ATP4A: variants seen among roughly 807,000 people sequenced by gnomAD.
The protein encoded by ATP4A is potassium-transporting ATPase alpha chain 1.
A neutral mutation model predicts 112.1 loss-of-function variants in ATP4A; 73 were observed. The ratio of observed to expected loss-of-function variants is 0.65; its 90% CI spans 0.54 to 0.79. ATP4A has a LOEUF of 0.79. Ranked by LOEUF, ATP4A falls within the 30% of genes least tolerant of loss-of-function variation. The pLI, the probability that ATP4A is intolerant of heterozygous loss-of-function variation, is 0.00. For synonymous variants in ATP4A, 588 were observed against 588.9 expected (o/e 1.00, Z 0.02); for missense variants, 1,081 against 1,425.9 (o/e 0.76, Z 3.90).
At position 35,557,882 on chromosome 19, in the gene ATP4A, GGGGAACGGGGCGGGGCTGTGGACGA is replaced by G. The variant is rs1468849871; in HGVS notation, c.1501-60_1501-36del. 2.6e-4 allele frequency: 311 copies of G among 1,175,482 alleles called. 1 individual carries two copies. The African/African-American group carries it at 2.9e-3, about 11-fold the overall frequency. The allele number at this position is 1,175,482 out of a possible 1,614,324, so 72.8% of individuals were successfully genotyped here. A position where few individuals can be genotyped will look rare whatever the true frequency, so the allele number is the denominator to read the frequency against. On this transcript the variant is annotated intron_variant, in intron 10 of 21. Transcript: ENST00000262623. The surrounding 1 kb of genome is among the most constrained non-coding windows in gnomAD (Gnocchi z 4.4). The stretch of plus-strand genomic sequence containing the variant: ...GGGGGGAGAGGCGAGGCTGTGGACG[GGGGAACGGGGCGGGGCTGTGGACGA>G]GGGAACGGGGCGGGGCTGAGGAGAG...
chr19:35,550,357 C>T lies in ATP4A; in HGVS notation c.*258G>A. 1.8e-6 allele frequency: 1 copy of T among 551,464 alleles called. No individual in the cohort carries two copies. The highest frequency in any genetic ancestry group is 3.2e-6 in the Non-Finnish European group (1 of 309,362). 34.2% of individuals were successfully genotyped at this position (551,464 alleles called of 1,614,324 possible). On this transcript the variant is annotated 3_prime_UTR_variant, in exon 22 of 22. Transcript: ENST00000262623. This position sits in a 1 kb window ranked among gnomAD's most constrained non-coding sequence, Gnocchi z 4.1. ...ACTCCCTGTCAGAGCCCCACCGCCA[C>T]CACAGGTGGCGGCTTTCCCGAGGCC...
chr19:35,554,857 C>T (rs534051412), intron 16 of ATP4A, 65 bp downstream of exon 16: 1 of 1,601,318 alleles, frequency 6.2e-7, no homozygotes, highest in Admixed American at 1.7e-5. Flanking sequence ...TCTGTCCCTC[C>T]TGTCCATCTG....
At position 35,559,853 on chromosome 19, in the gene ATP4A, C is replaced by T. The variant is rs774438228; in HGVS notation, c.1008G>A (p.Met336Ile). 1 of 1,614,144 alleles carries T rather than the reference C, an allele frequency of 6.2e-7. No individual in the cohort carries two copies. Among genetic ancestry groups the T allele is most frequent in the Non-Finnish European group, 8.5e-7 (1 of 1,180,026 alleles). The change falls in exon 7 of 22, where the codon ATG (methionine) becomes ATA (isoleucine). Residue 336 changes from methionine to isoleucine, a missense_variant. By Grantham distance (10) the Met-to-Ile change is conservative. This residue lies in a region of ATP4A where 850 missense variants were observed against 1,068.2 expected (regional missense o/e 0.80). Coordinates refer to ENST00000262623, the MANE Select transcript of ATP4A (RefSeq NM_000704.3). The surrounding 1 kb of genome is among the most constrained non-coding windows in gnomAD (Gnocchi z 4.1). The part of the protein sequence containing the change: ...YTFLRAMVFF[M>I]AIVVAYVPEG... ...CAGGCACATAGGCCACCACGATGGC[C>T]ATGAAGAAGACCATGGCCCGCAGGA... is the stretch of plus-strand genomic sequence containing the variant.
In ATP4A at chr19:35,558,947, A is replaced by G. The variant is rs376131552; in HGVS notation, c.1255+46T>C. On this transcript the variant is annotated intron_variant, in intron 8 of 21. Transcript: ENST00000262623. The surrounding 1 kb of genome is among the most constrained non-coding windows in gnomAD (Gnocchi z 5.1). ...CCCTATCCCTCTTCAGGTCTCCACC[A>G]TCCACCAGATCCTGCCCTGGCGCCT... 4.6e-5 allele frequency: 74 copies of G among 1,606,984 alleles called. 1 individual carries two copies. The highest frequency in any genetic ancestry group is 1.6e-4 in the Middle Eastern group (1 of 6,072).
In ATP4A at chr19:35,560,191, G is replaced by A; in HGVS notation, c.788-118C>T. 1 of 1,529,826 alleles carries A rather than the reference G, an allele frequency of 6.5e-7. No individual in the cohort carries two copies. The highest frequency in any genetic ancestry group is 8.9e-7 in the Non-Finnish European group (1 of 1,128,796). The allele number at this position is 1,529,826 out of a possible 1,614,324, so 94.8% of individuals were successfully genotyped here. A position where few individuals can be genotyped will look rare whatever the true frequency, so the allele number is the denominator to read the frequency against. On this transcript the variant is annotated intron_variant, in intron 6 of 21. Coordinates refer to ENST00000262623, the MANE Select transcript of ATP4A (RefSeq NM_000704.3). This position sits in a 1 kb window ranked among gnomAD's most constrained non-coding sequence, Gnocchi z 5.1. ...GGAGGATGTGACCTGGGAGAGGGTA[G>A]TGACAGTGGGAGACAGAGAAGCAGT...
At position 35,558,833 on chromosome 19, in the gene ATP4A, G is replaced by A. The variant is rs773656226; in HGVS notation, c.1256-147C>T. ...CCCAACCCTGAGGGACCCAGCCCCCGGATGACCCTTCCCTCTAGACCCGGT... is the reference window on the plus strand; with the variant it reads ...CCCAACCCTGAGGGACCCAGCCCCCAGATGACCCTTCCCTCTAGACCCGGT... On this transcript the variant is annotated intron_variant, in intron 8 of 21. Coordinates refer to ENST00000262623, the MANE Select transcript of ATP4A (RefSeq NM_000704.3). This position sits in a 1 kb window ranked among gnomAD's most constrained non-coding sequence, Gnocchi z 5.1. 15 of 1,265,394 alleles carry A rather than the reference G, an allele frequency of 1.2e-5. No individual in the cohort carries two copies. Among genetic ancestry groups the A allele is most frequent in the South Asian group, 2.9e-5 (2 of 69,062 alleles). 78.4% of individuals were successfully genotyped at this position (1,265,394 alleles called of 1,614,324 possible).
chr19:35,557,615 C>T lies in ATP4A; in HGVS notation c.1693+40G>A, dbSNP rs1316107588. The T allele has an allele frequency of 1.9e-6, 3 of 1,564,906 alleles. No homozygotes were observed. The African/African-American group carries it at 4.1e-5, about 21-fold the overall frequency. Reference sequence around the variant, plus strand: ...GTGGGCAGGGTCTGTGCTAGCTCCTCCTCGCACCTGGAGTCTCCTCCCCTG... The same window carrying T: ...GTGGGCAGGGTCTGTGCTAGCTCCTTCTCGCACCTGGAGTCTCCTCCCCTG... On this transcript the variant is annotated intron_variant, in intron 11 of 21. Coordinates refer to ENST00000262623, the MANE Select transcript of ATP4A (RefSeq NM_000704.3). The surrounding 1 kb of genome is among the most constrained non-coding windows in gnomAD (Gnocchi z 4.4).
chr19:35,558,579 T>A lies in ATP4A; in HGVS notation c.1363A>T (p.Lys455Ter). 6.2e-7 allele frequency: 1 copy of A among 1,602,804 alleles called. No individual in the cohort carries two copies. The highest frequency in any genetic ancestry group is 8.5e-7 in the Non-Finnish European group (1 of 1,175,596). The change falls in exon 9 of 22, where the codon AAG becomes TAG. Residue 455 changes from lysine (K) to a stop codon, truncating the protein, a stop_gained and splice_region_variant. Coordinates refer to ENST00000262623, the MANE Select transcript of ATP4A (RefSeq NM_000704.3). LOFTEE classifies it high-confidence loss of function. The surrounding 1 kb of genome is among the most constrained non-coding windows in gnomAD (Gnocchi z 5.1). ...CCTGGAGGCCCCCTGGCTCTCACCT[T>A]GGGCACAGGCACTGCATCCTGGCCG... Reference protein sequence around the residue: ...KSGQDAVPVPKRIVIGDASET... With the variant: ...KSGQDAVPVP
chr19:35,554,979 G>A lies in ATP4A; in HGVS notation c.2424C>T (p.Ser808=), dbSNP rs141280378. ...LTPYLIYITV[S]VPLPLGCITI... ...TGATGCACCCGAGGGGCAGGGGCAC[G>A]CTGACGGTGATGTAGATGAGGTAGG... is the stretch of plus-strand genomic sequence containing the variant. Residue 808 remains serine, a synonymous_variant, in exon 16 of 22, where the codon AGC becomes AGT. Transcript: ENST00000262623. 4.9e-5 allele frequency: 79 copies of A among 1,614,182 alleles called. No homozygotes were observed. The African/African-American group carries it at 5.2e-4, about 11-fold the overall frequency.
At chr19:35,556,163 C>T (rs746884715) in intron 12 of ATP4A, among the ~76,000 whole-genome samples, 8 of 152,092 alleles carry the variant, frequency 5.3e-5, no homozygotes, top group African/African-American at 7.2e-5. Context: ...GAGTCAGCCA[C>T]GTGGAAAGCT....
Position 35,560,103 on chromosome 19 carries a change from AT to A in ATP4A, c.788-31del. 1 of 1,610,892 alleles carries A rather than the reference AT, an allele frequency of 6.2e-7. No homozygotes were observed. Among genetic ancestry groups the A allele is most frequent in the Non-Finnish European group, 8.5e-7 (1 of 1,178,454 alleles). On this transcript the variant is annotated intron_variant, in intron 6 of 21. Transcript: ENST00000262623. This position sits in a 1 kb window ranked among gnomAD's most constrained non-coding sequence, Gnocchi z 5.1. ...AGGGGGGCCAAGGCGCGACTCAGGG[AT>A]AGGGGGCGGCAGTGGGGTGTGCACT... is the stretch of plus-strand genomic sequence containing the variant.
Position 35,560,306 on chromosome 19 carries a change from G to A in ATP4A, c.787+57C>T. On this transcript the variant is annotated intron_variant, in intron 6 of 21. Transcript: ENST00000262623. The surrounding 1 kb of genome is among the most constrained non-coding windows in gnomAD (Gnocchi z 5.1). The stretch of plus-strand genomic sequence containing the variant: ...AAGCCCCCTGTCCTAGAAGATAGCA[G>A]GAGAGAGGCCAGTGGAGGCAGCAGT... 1 of 1,604,342 alleles carries A rather than the reference G, an allele frequency of 6.2e-7. No homozygotes were observed. Among genetic ancestry groups the A allele is most frequent in the South Asian group, 1.1e-5 (1 of 90,040 alleles).
Position 35,557,378 on chromosome 19 carries a change from G to C in ATP4A, c.1693+277C>G, listed in dbSNP as rs2071636969. Among the ~76,000 whole-genome samples the C allele has an allele frequency of 6.6e-6, 1 of 152,192 alleles. No homozygotes were observed. Among genetic ancestry groups the C allele is most frequent in the African/African-American group, 2.4e-5 (1 of 41,448 alleles). The stretch of plus-strand genomic sequence containing the variant: ...GACCACAGATCTGCTTTCTAGGGTA[G>C]AGGCAGCGAAGTTTAAGGCGTCAGG... On this transcript the variant is annotated intron_variant, in intron 11 of 21. Transcript: ENST00000262623. The surrounding 1 kb of genome is among the most constrained non-coding windows in gnomAD (Gnocchi z 4.4).
In ATP4A at chr19:35,563,609, C is replaced by G; in HGVS notation, c.12+9G>C. On this transcript the variant is annotated intron_variant, in intron 1 of 21. Transcript: ENST00000262623. ...CCCACTGCACCCCGGACCCCTGGGC[C>G]CCACTCACGGCCTTCCCCATGGTGC... 1 of 1,614,050 alleles carries G rather than the reference C, an allele frequency of 6.2e-7. No individual in the cohort carries two copies. The highest frequency in any genetic ancestry group is 1.7e-5 in the Admixed American group (1 of 60,022).
Position 35,559,062 on chromosome 19 carries a change from G to T in ATP4A, c.1186C>A (p.Arg396Ser). 1 of 1,614,212 alleles carries T rather than the reference G, an allele frequency of 6.2e-7. No individual in the cohort carries two copies. The highest frequency in any genetic ancestry group is 8.5e-7 in the Non-Finnish European group (1 of 1,180,036). The change falls in exon 8 of 22, where the codon CGC becomes AGC. Residue 396 changes from arginine to serine, a missense_variant. Arg to Ser is a moderately radical substitution (Grantham distance 110). Transcript: ENST00000262623. The surrounding 1 kb of genome is among the most constrained non-coding windows in gnomAD (Gnocchi z 4.1). ...AACCACAGATGGGACACAGTCATGC[G>T]GTTCTGAGTGAGAGTCCCTGTCTTG... ...SDKTGTLTQN[R>S]MTVSHLWFDN...
At position 35,551,931 on chromosome 19, in the gene ATP4A, C is replaced by T. The variant is rs1445804262; in HGVS notation, c.2752-351G>A. Among the ~76,000 whole-genome samples, 1 of 152,194 alleles carries T rather than the reference C, an allele frequency of 6.6e-6. No individual in the cohort carries two copies. Among genetic ancestry groups the T allele is most frequent in the Admixed American group, 6.5e-5 (1 of 15,284 alleles). ...AGATGGGATTTGCAAAGTCCAGTGA[C>T]TCCAGGGGCCAGGCAGATGGCAAAA... is the stretch of plus-strand genomic sequence containing the variant. On this transcript the variant is annotated intron_variant, in intron 18 of 21. Transcript: ENST00000262623. The surrounding 1 kb of genome is among the most constrained non-coding windows in gnomAD (Gnocchi z 5.2).
At chr19:35,553,323 G>T in intron 17 of ATP4A, 141 bp from the exon 18 acceptor site, 1 of 998,862 alleles carries the variant, frequency 1.0e-6, no homozygotes, top group Non-Finnish European at 1.4e-6. Context: ...GAGAGACAGG[G>T]ACACAGATAC....
Position 35,557,929 on chromosome 19 carries a change from A to C in ATP4A, c.1501-82T>G. The stretch of plus-strand genomic sequence containing the variant: ...ACGAGGGAACGGGGCGGGGCTGAGG[A>C]GAGGGGCGGGGCCGAGAGCTCGGTG... On this transcript the variant is annotated intron_variant, in intron 10 of 21. Coordinates refer to ENST00000262623, the MANE Select transcript of ATP4A (RefSeq NM_000704.3). This position sits in a 1 kb window ranked among gnomAD's most constrained non-coding sequence, Gnocchi z 4.4. 1 of 503,782 alleles carries C rather than the reference A, an allele frequency of 2.0e-6. No individual in the cohort carries two copies. Among genetic ancestry groups the C allele is most frequent in the Non-Finnish European group, 2.9e-6 (1 of 342,334 alleles). 31.2% of individuals were successfully genotyped at this position (503,782 alleles called of 1,614,324 possible).
chr19:35,553,657 C>T (rs1191188143), intron 17 of ATP4A, 49 bp downstream of exon 17: 6 of 1,604,442 alleles, frequency 3.7e-6, no homozygotes, highest in Non-Finnish European at 5.1e-6. Context: ...GGCGAGCAGC[C>T]CAGCGCAGAG....
Sources: allele counts gnomAD v4.1 joint callset (sites outside exome capture counted in the v4.1 genomes callset), GRCh38; gene constraint gnomAD v4.1.1; regional missense constraint gnomAD v4.1.1; non-coding constraint Gnocchi (gnomAD v3.1); transcripts MANE v1.5; gene names NCBI Gene and HGNC (gene_info 2026-07-23, HGNC 2026-07-21).